OTUD6B: variants seen among roughly 807,000 people sequenced by gnomAD.
OTUD6B encodes deubiquitinase OTUD6B.
OTUD6B carries 41 observed loss-of-function variants against 36.9 expected under a neutral mutation model. The ratio of observed to expected loss-of-function variants is 1.11; its 90% CI spans 0.87 to 1.44. The LOEUF (loss-of-function observed/expected upper bound fraction) is 1.44. OTUD6B is among the 40% of genes most tolerant of loss of function. The pLI is 0.00. For synonymous variants in OTUD6B, 114 were observed against 114.2 expected, an observed-to-expected ratio of 1.00 and a Z score of 0.01; for missense variants, 356 against 344.8, an observed-to-expected ratio of 1.03 and a Z score of -0.26.
At position 91,071,188 on chromosome 8, in the gene OTUD6B, A is replaced by C. The variant is rs755136340; in HGVS notation, c.133A>C (p.Arg45=). 6.2e-7 allele frequency: 1 copy of C among 1,613,770 alleles called. No homozygotes were observed. The highest frequency in any genetic ancestry group is 8.5e-7 in the Non-Finnish European group (1 of 1,179,722). Residue 45 remains arginine (R), a synonymous_variant, in exon 2 of 7, where the codon AGG becomes CGG. Transcript: ENST00000404789. The stretch of plus-strand genomic sequence containing the variant: ...TGTTCCCAAGAATGACAAGAAGAGG[A>C]GGAAGCAACTCACCGAAGATGTGGC... ...NAVPKNDKKR[R]KQLTEDVAKL...
intron 5 of OTUD6B, among the ~76,000 whole-genome samples, chr8:91,081,921 A>G (rs1812914609): frequency 6.6e-6 from 1 of 152,168 alleles, no homozygotes; most frequent in Non-Finnish European, 1.5e-5. Context: ...AAATGCTTGA[A>G]CTTTCTTAAA....
chr8:91,082,620 C>T (rs1206206032), intron 5 of OTUD6B, among the ~76,000 whole-genome samples: 1 of 151,532 alleles, frequency 6.6e-6, no homozygotes, highest in African/African-American at 2.4e-5. Context: ...TCTTGTAACC[C>T]TTTTTTTGCC....
Position 91,071,241 on chromosome 8 carries a change from A to G in OTUD6B, c.186A>G (p.Lys62=), listed in dbSNP as rs1812691023. The G allele has an allele frequency of 6.2e-7, 1 of 1,613,992 alleles. No homozygotes were observed. The highest frequency in any genetic ancestry group is 8.5e-7 in the Non-Finnish European group (1 of 1,179,850). The change falls in exon 2 of 7, where the codon AAA becomes AAG. Residue 62 remains lysine, a synonymous_variant. Transcript: ENST00000404789. ...AGTTGGAAAAAGAAATGGAACAGAA[A>G]CATAGAGAGGAACTGGAGCAATTGA... is the stretch of plus-strand genomic sequence containing the variant. ...VAKLEKEMEQ[K]HREELEQLKL...
chr8:91,074,655 C>T (rs1812768775), intron 3 of OTUD6B, among the ~76,000 whole-genome samples: 1 of 151,786 alleles, frequency 6.6e-6, no homozygotes, highest in African/African-American at 2.4e-5. Context: ...TAGGTAAGTC[C>T]CTTTGAATTT....
At chr8:91,077,005 T>C (rs577771617) in intron 3 of OTUD6B, among the ~76,000 whole-genome samples, 1 of 152,232 alleles carries the variant, frequency 6.6e-6, no homozygotes, top group Admixed American at 6.5e-5. Flanking sequence ...ATAAGTTTAA[T>C]TGAAACTTGC....
chr8:91,080,787 T>C (rs1708755798), intron 5 of OTUD6B, 57 bp downstream of exon 5: 10 of 1,301,626 alleles, frequency 7.7e-6, no homozygotes, highest in Non-Finnish European at 3.2e-6. Context: ...CTAAATCCCT[T>C]CTGTAGTTTT....
rs1002599004 is a variant in OTUD6B, at chr8:91,085,645, G to A, written c.*777G>A. On this transcript the variant is annotated 3_prime_UTR_variant, in exon 7 of 7. Transcript: ENST00000404789. ...TTTCGTATTTTTTAAGCATCGGACT[G>A]GAGTTAGTACCATCATCTCTTGAGT... is the stretch of plus-strand genomic sequence containing the variant. The A allele has an allele frequency of 6.6e-6, 1 of 151,960 alleles. No homozygotes were observed. The highest frequency in any genetic ancestry group is 1.9e-4 in the East Asian group (1 of 5,184). 9.4% of individuals were successfully genotyped at this position (151,960 alleles called of 1,614,324 possible).
At position 91,073,829 on chromosome 8, in the gene OTUD6B, A is replaced by T; in HGVS notation, c.235-2A>T. On this transcript the variant is annotated splice_acceptor_variant, in intron 2 of 6. Coordinates refer to ENST00000404789, the MANE Select transcript of OTUD6B (RefSeq NM_016023.5). LOFTEE classifies it high-confidence loss of function. ...CTTGTTAATGCTTTTTGTTTCCTTC[A>T]GATAGATTCTGTTGCTGTTAACATT... is the stretch of plus-strand genomic sequence containing the variant. The T allele has an allele frequency of 6.3e-7, 1 of 1,574,870 alleles. No individual in the cohort carries two copies. The highest frequency in any genetic ancestry group is 1.8e-5 in the Admixed American group (1 of 54,620).
In OTUD6B at chr8:91,078,550, G is replaced by C; in HGVS notation, c.510G>C (p.Lys170Asn). 1 of 1,609,286 alleles carries C rather than the reference G, an allele frequency of 6.2e-7. No homozygotes were observed. Among genetic ancestry groups the C allele is most frequent in the Non-Finnish European group, 8.5e-7 (1 of 1,177,546 alleles). The change falls in exon 4 of 7, where the codon AAG becomes AAC. Residue 170 changes from lysine (K) to asparagine (N), a missense_variant. Lys to Asn is a moderately conservative substitution (Grantham distance 94). Coordinates refer to ENST00000404789, the MANE Select transcript of OTUD6B (RefSeq NM_016023.5). ...YKAIEDQLKE[K>N]DCALTVVALR... Reference sequence around the variant, plus strand: ...CCATTGAAGATCAACTGAAAGAAAAGGATTGTGCTCTGACTGTGGTTGCCT... The same window carrying C: ...CCATTGAAGATCAACTGAAAGAAAACGATTGTGCTCTGACTGTGGTTGCCT...
At chr8:91,082,014 AT>A (rs905492018) in intron 5 of OTUD6B, among the ~76,000 whole-genome samples, 3 of 152,046 alleles carry the variant, frequency 2.0e-5, no homozygotes, top group African/African-American at 7.3e-5. Context: ...ACACTTATAC[AT>A]TTTTTTCATC....
chr8:91,070,684 C>G (rs1812672593), intron 1 of OTUD6B, among the ~76,000 whole-genome samples: 2 of 151,982 alleles, frequency 1.3e-5, no homozygotes, highest in Admixed American at 1.3e-4. Flanking sequence ...TGCCCCCTAC[C>G]CCGCGCCGCC....
chr8:91,078,182 A>T, intron 3 of OTUD6B, 174 bp from the exon 4 acceptor site: 1 of 841,562 alleles, frequency 1.2e-6, no homozygotes, highest in Non-Finnish European at 1.4e-6. Flanking sequence ...TGAGTAAGAG[A>T]GTAAGGAGCT....
chr8:91,072,303 A>C (rs1812716208), intron 2 of OTUD6B, among the ~76,000 whole-genome samples: 1 of 152,222 alleles, frequency 6.6e-6, no homozygotes, highest in African/African-American at 2.4e-5. Flanking sequence ...GAGTCGTAAC[A>C]GCTGTTGATT....
At position 91,078,448 on chromosome 8, in the gene OTUD6B, G is replaced by C. The variant is rs1478523498; in HGVS notation, c.408G>C (p.Glu136Asp). Reference sequence around the variant, plus strand: ...CAGGAGCCAGACATATGGAAAGTGAGAAACTTGCTCAAATATTGGCAGCTA... The same window carrying C: ...CAGGAGCCAGACATATGGAAAGTGACAAACTTGCTCAAATATTGGCAGCTA... ...NLTGARHMES[E>D]KLAQILAARQ... Residue 136 changes from glutamate to aspartate, a missense_variant, in exon 4 of 7, where the codon GAG becomes GAC. Glu to Asp is a conservative substitution (Grantham distance 45). Transcript: ENST00000404789. 6.2e-7 allele frequency: 1 copy of C among 1,603,254 alleles called. No individual in the cohort carries two copies. The highest frequency in any genetic ancestry group is 8.5e-7 in the Non-Finnish European group (1 of 1,174,234).
intron 4 of OTUD6B, 80 bp downstream of exon 4, chr8:91,078,748 G>C (rs1025449775): frequency 2.2e-5 from 20 of 904,644 alleles, no homozygotes; most frequent in Non-Finnish European, 3.2e-5. Context: ...AGCACTGAGC[G>C]TAAGAAGAAC....
chr8:91,079,466 T>C (rs1269426502), intron 4 of OTUD6B, among the ~76,000 whole-genome samples: 1 of 152,090 alleles, frequency 6.6e-6, no homozygotes, highest in Non-Finnish European at 1.5e-5. Context: ...CAGTCAAGTG[T>C]GTCTCCTTTA....
intron 1 of OTUD6B, chr8:91,070,910 C>G (rs1812681478): frequency 2.4e-6 from 1 of 409,614 alleles, no homozygotes; most frequent in East Asian, 1.6e-4. Flanking sequence ...TCTTATCTCG[C>G]CAAACAACCG....
chr8:91,074,223 C>T (rs529694258), intron 3 of OTUD6B, among the ~76,000 whole-genome samples: 7 of 152,178 alleles, frequency 4.6e-5, no homozygotes, highest in South Asian at 4.2e-4. Flanking sequence ...CATAGGAGAG[C>T]GAAGCTGGGA....
intron 5 of OTUD6B, among the ~76,000 whole-genome samples, chr8:91,081,575 G>T (rs907658121): frequency 1.1e-4 from 17 of 147,974 alleles, no homozygotes; most frequent in Admixed American, 4.7e-4. Flanking sequence ...AACCCTCTCT[G>T]TGTATTCAGT....
Sources: gnomAD v4.1 joint callset for allele counts (sites outside exome capture counted in the v4.1 genomes callset) on GRCh38, gnomAD v4.1.1 for gene constraint, MANE v1.5 for transcripts, NCBI Gene and HGNC (gene_info 2026-07-23, HGNC 2026-07-21) for gene names.